LRRFIP2: variants seen among roughly 807,000 people sequenced by gnomAD.
The protein encoded by LRRFIP2 is LRR binding FLII interacting protein 2, also known as leucine-rich repeat flightless-interacting protein 2.
A neutral mutation model predicts 125.9 loss-of-function variants in LRRFIP2; 109 were observed. That is an observed-to-expected ratio of 0.87 (90% CI 0.74 to 1.01). The LOEUF (loss-of-function observed/expected upper bound fraction) is 1.01. Ranked by LOEUF, LRRFIP2 falls within the 50% of genes least tolerant of loss-of-function variation. The pLI, the probability that LRRFIP2 is intolerant of heterozygous loss-of-function variation, is 0.00. For synonymous variants in LRRFIP2, 291 were observed against 293.1 expected, an observed-to-expected ratio of 0.99 and a Z score of 0.07; for missense variants, 850 against 862.3, an observed-to-expected ratio of 0.99 and a Z score of 0.18.
chr3:37,118,841 C>T (rs1158612793), intron 6 of LRRFIP2, among the ~76,000 whole-genome samples: 2 of 152,154 alleles, frequency 1.3e-5, no homozygotes, highest in African/African-American at 4.8e-5. Context: ...TTAAAAATAA[C>T]TGGCTGAGAA....
At chr3:37,085,100 C>A (rs2092945225) in intron 18 of LRRFIP2, among the ~76,000 whole-genome samples, 1 of 152,174 alleles carries the variant, frequency 6.6e-6, no homozygotes, top group Non-Finnish European at 1.5e-5. Context: ...CAAAAATTAA[C>A]TCAGCATAAG....
intron 19 of LRRFIP2, 102 bp from the exon 20 acceptor site, chr3:37,075,218 G>A (rs998987953): frequency 1.6e-6 from 1 of 632,100 alleles, no homozygotes. Context: ...CCAGAAACAT[G>A]CCCAAACTCC....
intron 18 of LRRFIP2, 91 bp downstream of exon 18, chr3:37,091,376 A>G: frequency 2.3e-6 from 2 of 886,382 alleles, no homozygotes; most frequent in Non-Finnish European, 3.5e-6. Context: ...TAGTAAAGCT[A>G]TGTGCAGTTG....
chr3:37,156,836 AAATAAAGATTATG>A (rs1277797915), intron 1 of LRRFIP2, among the ~76,000 whole-genome samples: 1 of 151,808 alleles, frequency 6.6e-6, no homozygotes, highest in Non-Finnish European at 1.5e-5. Context: ...TACACATTAA[AAATAAAGATTATG>A]CGGGGTGTGG....
chr3:37,084,387 G>A, intron 18 of LRRFIP2, among the ~76,000 whole-genome samples: 1 of 152,038 alleles, frequency 6.6e-6, no homozygotes, highest in South Asian at 2.1e-4. Flanking sequence ...GCTTGGCCAG[G>A]CACAGTGGCT....
At chr3:37,140,204 C>T (rs756408421) in intron 2 of LRRFIP2, 17 of 152,158 alleles carry the variant, frequency 1.1e-4, no homozygotes, top group Non-Finnish European at 2.2e-4. Flanking sequence ...TTTCAAGCTT[C>T]ACCTCTTGCT....
intron 3 of LRRFIP2, among the ~76,000 whole-genome samples, 181 bp downstream of exon 3, chr3:37,128,882 T>C (rs2095355125): frequency 6.6e-6 from 1 of 152,196 alleles, no homozygotes; most frequent in African/African-American, 2.4e-5. Flanking sequence ...GTGTTTGTTG[T>C]TACTACTTAA....
chr3:37,131,367 G>A (rs572450526), intron 2 of LRRFIP2, among the ~76,000 whole-genome samples: 54 of 152,042 alleles, frequency 3.6e-4, no homozygotes, highest in Non-Finnish European at 5.4e-4. Context: ...TCTCTATTGC[G>A]GCTTTATTAT....
At chr3:37,125,926 A>G (rs1234305166) in intron 4 of LRRFIP2, among the ~76,000 whole-genome samples, 4 of 152,216 alleles carry the variant, frequency 2.6e-5, no homozygotes, top group African/African-American at 9.6e-5. Context: ...AATGAGCAGA[A>G]GAATCAGTTT....
intron 25 of LRRFIP2, among the ~76,000 whole-genome samples, chr3:37,057,875 T>C (rs1213809402): frequency 1.3e-5 from 2 of 152,208 alleles, no homozygotes; most frequent in African/African-American, 4.8e-5. Flanking sequence ...TTAGTGTGAC[T>C]GCAGTGATCA....
At chr3:37,172,439 C>T (rs2096598233) in intron 1 of LRRFIP2, among the ~76,000 whole-genome samples, 1 of 152,150 alleles carries the variant, frequency 6.6e-6, no homozygotes, top group South Asian at 2.1e-4. Flanking sequence ...TTCTCCTAGA[C>T]ATATGTGATT....
intron 4 of LRRFIP2, among the ~76,000 whole-genome samples, chr3:37,122,508 A>G (rs1037032393): frequency 6.6e-6 from 1 of 152,158 alleles, no homozygotes; most frequent in African/African-American, 2.4e-5. Context: ...TGTGATCATC[A>G]GTTTATGCAG....
At chr3:37,066,906 G>C (rs1263305879) in intron 21 of LRRFIP2, 1 of 152,414 alleles carries the variant, frequency 6.6e-6, no homozygotes, top group Non-Finnish European at 1.5e-5. Context: ...AGGATTCAAA[G>C]ATCAACTTCT....
In LRRFIP2 at chr3:37,065,799, C is replaced by T. The variant is rs1437535307; in HGVS notation, c.1699+11G>A. The T allele has an allele frequency of 1.2e-6, 2 of 1,614,090 alleles. No individual in the cohort carries two copies. Among genetic ancestry groups the T allele is most frequent in the South Asian group, 1.1e-5 (1 of 91,072 alleles). ...CATTAATCCAAGTCAACATAGCAAC[C>T]AGTATCTTACCTAATGGCCCTTCTC... On this transcript the variant is annotated intron_variant, in intron 23 of 27. Coordinates refer to ENST00000336686, the MANE Select transcript of LRRFIP2 (RefSeq NM_006309.4).
chr3:37,070,273 C>T (rs979033546), intron 21 of LRRFIP2, among the ~76,000 whole-genome samples: 4 of 151,888 alleles, frequency 2.6e-5, no homozygotes, highest in African/African-American at 9.7e-5. Context: ...ACCACCATGC[C>T]TGGCTAATTT....
intron 19 of LRRFIP2, among the ~76,000 whole-genome samples, chr3:37,080,948 T>G (rs2092589965): frequency 6.6e-6 from 1 of 152,208 alleles, no homozygotes. Context: ...GAATTATTGT[T>G]AATTTTACAG....
At chr3:37,082,738 T>C (rs1324939250) in intron 19 of LRRFIP2, among the ~76,000 whole-genome samples, 2 of 152,204 alleles carry the variant, frequency 1.3e-5, no homozygotes, top group Non-Finnish European at 2.9e-5. Flanking sequence ...CTAACACTTT[T>C]TGAATGTGAC....
intron 16 of LRRFIP2, among the ~76,000 whole-genome samples, chr3:37,095,773 C>G (rs765919814): frequency 5.9e-5 from 9 of 152,006 alleles, no homozygotes; most frequent in African/African-American, 2.2e-4. Context: ...TGAGGAGTAG[C>G]TGGGACAACA....
At chr3:37,112,015 C>T (rs2094562089) in intron 8 of LRRFIP2, 3 of 152,240 alleles carry the variant, frequency 2.0e-5, no homozygotes, top group South Asian at 4.1e-4. Context: ...TGCAGCCTAA[C>T]AGGAAATGGG....
Sources: allele counts gnomAD v4.1 joint callset (sites outside exome capture counted in the v4.1 genomes callset), GRCh38; gene constraint gnomAD v4.1.1; transcripts MANE v1.5; gene names NCBI Gene and HGNC (gene_info 2026-07-23, HGNC 2026-07-21).